SETD2: variants seen among roughly 807,000 people sequenced by gnomAD.
SETD2 encodes SET domain containing 2, histone lysine methyltransferase.
SETD2 carries 31 observed loss-of-function variants against 242.1 expected under a neutral mutation model. The observed-to-expected ratio is 0.13, with a 90% confidence interval of 0.10 to 0.17. SETD2 has a LOEUF of 0.17. Ranked by LOEUF, SETD2 falls within the 10% of genes least tolerant of loss-of-function variation. The pLI, the probability that SETD2 is intolerant of heterozygous loss-of-function variation, is 1.00. For missense variants in SETD2, 2,481 were observed against 3,046.3 expected (o/e 0.81, Z 4.37); for synonymous variants, 1,006 against 1,066.5 (o/e 0.94, Z 1.11).
intron 15 of SETD2, among the ~76,000 whole-genome samples, chr3:47,050,721 CTCTT>C (rs1278313115): frequency 5.7e-5 from 4 of 70,378 alleles, no homozygotes; most frequent in Middle Eastern, 6.8e-3. Context: ...CATTTCCTCT[CTCTT>C]TTTTTTTTTT....
At chr3:47,085,900 A>T (rs754981894) in intron 11 of SETD2, among the ~76,000 whole-genome samples, 1 of 152,164 alleles carries the variant, frequency 6.6e-6, no homozygotes, top group Non-Finnish European at 1.5e-5. Flanking sequence ...TTTTAACAAC[A>T]AACTGGATCT....
intron 2 of SETD2, among the ~76,000 whole-genome samples, 182 bp from the exon 3 acceptor site, chr3:47,124,730 A>G (rs762433873): frequency 1.1e-4 from 17 of 152,208 alleles, no homozygotes; most frequent in Non-Finnish European, 2.1e-4. Context: ...AAGTATAGAA[A>G]ATGGTATAAT....
At chr3:47,113,422 A>C (rs1013917806) in intron 5 of SETD2, among the ~76,000 whole-genome samples, 1 of 152,220 alleles carries the variant, frequency 6.6e-6, no homozygotes, top group African/African-American at 2.4e-5. Context: ...AAAAAGAAAA[A>C]AAGATTTTTT....
rs2107742587 is a variant in SETD2 at position 47,120,527 on chromosome 3, G to T, written c.4109C>A (p.Pro1370His). The change falls in exon 3 of 21, where the codon CCT becomes CAT. Residue 1370 changes from proline (P) to histidine (H), a missense_variant. By Grantham distance (77) the Pro-to-His change is moderately conservative. Coordinates refer to ENST00000409792, the MANE Select transcript of SETD2 (RefSeq NM_014159.7). ...CTTAATGGAATTGCTGCTTATTTCA[G>T]GTGCTTGCACTGACCCCTTGTCTTT... is the stretch of plus-strand genomic sequence containing the variant. ...LQKDKGSVQAPEISSNSIKDT... is the reference protein window; with the variant it reads ...LQKDKGSVQAHEISSNSIKDT... 6.2e-7 allele frequency: 1 copy of T among 1,613,772 alleles called. No homozygotes were observed. The highest frequency in any genetic ancestry group is 8.5e-7 in the Non-Finnish European group (1 of 1,179,956).
chr3:47,073,172 G>A (rs1360584010), intron 12 of SETD2, among the ~76,000 whole-genome samples: 1 of 150,502 alleles, frequency 6.6e-6, no homozygotes, highest in Non-Finnish European at 1.5e-5. Flanking sequence ...AAAATACTGT[G>A]AGTAAACTGT....
Position 47,040,634 on chromosome 3 carries a change from G to A in SETD2, c.7238+1927C>T, listed in dbSNP as rs1230061515. ...CTGTCACCCAGGCCGGAATGCAGTGGCGCAATCATGGCTCACTACAGATCT... is the reference window on the plus strand; with the variant it reads ...CTGTCACCCAGGCCGGAATGCAGTGACGCAATCATGGCTCACTACAGATCT... On this transcript the variant is annotated intron_variant, in intron 17 of 20. Transcript: ENST00000409792. 4.4e-5 allele frequency among the ~76,000 whole-genome samples: 6 copies of A among 135,928 alleles called. No homozygotes were observed. The Admixed American group carries it at 5.2e-4, about 12-fold the overall frequency. 89.2% of individuals were successfully genotyped at this position (135,928 alleles called of 152,430 possible).
chr3:47,101,633 T>TGTGTGTGTGTGTGC (rs1553694870), intron 7 of SETD2, 78 bp from the exon 8 acceptor site: 1 of 669,324 alleles, frequency 1.5e-6, no homozygotes, highest in African/African-American at 1.9e-5. Flanking sequence ...TGTGTGTGTG[T>TGTGTGTGTGTGTGC]GCGCATATAT....
At position 47,057,183 on chromosome 3, in the gene SETD2, C is replaced by G. The variant is rs764377763; in HGVS notation, c.6601G>C (p.Ala2201Pro). Residue 2201 changes from alanine (A) to proline (P), a missense_variant, in exon 15 of 21, where the codon GCT (alanine) becomes CCT (proline). Coordinates refer to ENST00000409792, the MANE Select transcript of SETD2 (RefSeq NM_014159.7). ...TPSMDPVCSP[A>P]PYDHAQPLVG... is the part of the protein sequence containing the mutation. ...AAGGGCTGAGCATGATCATAAGGAGCAGGAGAACACACTGGGTCCATGCTG... is the reference window on the plus strand; with the variant it reads ...AAGGGCTGAGCATGATCATAAGGAGGAGGAGAACACACTGGGTCCATGCTG... 1 of 1,614,160 alleles carries G rather than the reference C, an allele frequency of 6.2e-7. No homozygotes were observed. Among genetic ancestry groups the G allele is most frequent in the Non-Finnish European group, 8.5e-7 (1 of 1,180,006 alleles).
chr3:47,120,581 T>C lies in SETD2; in HGVS notation c.4055A>G (p.Gln1352Arg). 10 of 1,614,156 alleles carry C rather than the reference T, an allele frequency of 6.2e-6. No individual in the cohort carries two copies. Among genetic ancestry groups the C allele is most frequent in the Non-Finnish European group, 8.5e-6 (10 of 1,180,008 alleles). The change falls in exon 3 of 21, where the codon CAG becomes CGG. Residue 1352 changes from glutamine (Q) to arginine (R), a missense_variant. Physicochemically the swap from Gln to Arg is conservative, Grantham distance 43. Coordinates refer to ENST00000409792, the MANE Select transcript of SETD2 (RefSeq NM_014159.7). ...DQQDGSHFSD[Q>R]SDKFLLSLQK... ...AAGGGATAGAAGAAATTTATCGGACTGGTCTGAAAAATGGGATCCATCCTG... is the reference window on the plus strand; with the variant it reads ...AAGGGATAGAAGAAATTTATCGGACCGGTCTGAAAAATGGGATCCATCCTG...
intron 3 of SETD2, 138 bp downstream of exon 3, chr3:47,120,043 AC>A (rs1355540266): frequency 4.4e-5 from 33 of 751,112 alleles, no homozygotes; most frequent in African/African-American, 8.9e-5. Flanking sequence ...AGGTAAAAAC[AC>A]TTTTTTAGAC....
chr3:47,068,926 C>A (rs530126154), intron 12 of SETD2, among the ~76,000 whole-genome samples: 12 of 152,172 alleles, frequency 7.9e-5, no homozygotes, highest in African/African-American at 2.7e-4. Flanking sequence ...TCCCCAGTAA[C>A]TGGGATTACA....
rs1436346341 is a variant in SETD2 at position 47,019,746 on chromosome 3, C to T, written c.7431+14G>A. On this transcript the variant is annotated intron_variant, in intron 19 of 20. Transcript: ENST00000409792. ...AGCCTGAGGAGCTTAGTGCTTATAT[C>T]CACCAAACCTTACCTCTTTTCTGAA... is the stretch of plus-strand genomic sequence containing the variant. The T allele has an allele frequency of 6.2e-7, 1 of 1,608,202 alleles. No individual in the cohort carries two copies. Among genetic ancestry groups the T allele is most frequent in the East Asian group, 2.2e-5 (1 of 44,826 alleles).
At chr3:47,161,917 A>AC (rs1697498295) in intron 1 of SETD2, among the ~76,000 whole-genome samples, 1 of 152,050 alleles carries the variant, frequency 6.6e-6, no homozygotes, top group African/African-American at 2.4e-5. Context: ...CCTCTAAAAA[A>AC]AAAAAAAAGG....
intron 1 of SETD2, among the ~76,000 whole-genome samples, chr3:47,159,053 G>A (rs1043100148): frequency 2.6e-5 from 4 of 152,010 alleles, no homozygotes; most frequent in Admixed American, 1.3e-4. Flanking sequence ...TGAGGTGGGA[G>A]AATGGCTTGA....
chr3:47,150,028 C>CTTTT (rs71098457), intron 1 of SETD2, among the ~76,000 whole-genome samples: 3,792 of 92,060 alleles, frequency 0.041, 672 homozygotes, highest in African/African-American at 0.16. Flanking sequence ...TCCAAAAATA[C>CTTTT]TTTTTTTTTT....
chr3:47,078,302 T>C (rs1321446265), intron 12 of SETD2, among the ~76,000 whole-genome samples: 1 of 152,148 alleles, frequency 6.6e-6, no homozygotes, highest in African/African-American at 2.4e-5. Context: ...AGAAGAACAC[T>C]ACTGTAATAT....
In SETD2 at chr3:47,121,694, A is replaced by G. The variant is rs200569407; in HGVS notation, c.2942T>C (p.Leu981Ser). The change falls in exon 3 of 21, where the codon TTA (leucine) becomes TCA (serine). Residue 981 changes from leucine to serine, a missense_variant. Physicochemically the swap from Leu to Ser is moderately radical, Grantham distance 145 (BLOSUM62 -2). Coordinates refer to ENST00000409792, the MANE Select transcript of SETD2 (RefSeq NM_014159.7). ...PERRGRPEIS[L>S]DERGEGGHVH... ...ATGTCCTCCTTCTCCTCTTTCATCT[A>G]AAGAGATTTCTGGTCTTCCTCTTCT... is the stretch of plus-strand genomic sequence containing the variant. 1.5e-5 allele frequency: 25 copies of G among 1,614,038 alleles called. No homozygotes were observed. The highest frequency in any genetic ancestry group is 6.7e-5 in the East Asian group (3 of 44,864).
intron 15 of SETD2, among the ~76,000 whole-genome samples, chr3:47,048,003 AG>A (rs1227423398): frequency 1.3e-5 from 2 of 152,232 alleles, no homozygotes; most frequent in African/African-American, 4.8e-5. Context: ...AAACCTGTAC[AG>A]CATGTTTCTG....
intron 14 of SETD2, among the ~76,000 whole-genome samples, chr3:47,060,655 T>C (rs1380824154): frequency 6.6e-6 from 1 of 152,084 alleles, no homozygotes; most frequent in Non-Finnish European, 1.5e-5. Flanking sequence ...TTAATTCTCT[T>C]AAAATACAAA....
Sources: gnomAD v4.1 joint callset for allele counts (sites outside exome capture counted in the v4.1 genomes callset) on GRCh38, gnomAD v4.1.1 for gene constraint, MANE v1.5 for transcripts, NCBI Gene and HGNC (gene_info 2026-07-23, HGNC 2026-07-21) for gene names.